Variants in PABPC4L observed in about 807,000 individuals in gnomAD.
PABPC4L encodes the protein poly(A) binding protein cytoplasmic 4 like, also known as polyadenylate-binding protein 4-like.
For synonymous variants in PABPC4L, 169 were observed against 164.1 expected (o/e 1.03, Z -0.23); for missense variants, 452 against 451.4 (o/e 1.00, Z -0.01).
At chr4:133,970,596 T>C in the PABPC4L span, among the ~76,000 whole-genome samples, 3 of 152,354 alleles carry the variant, frequency 2.0e-5, no homozygotes, top group East Asian at 1.9e-4. Context: ...TACACAGTTC[T>C]CTTTCAGTTG....
chr4:134,133,825 A>T, the PABPC4L span, among the ~76,000 whole-genome samples: 3 of 151,268 alleles, frequency 2.0e-5, no homozygotes, highest in Non-Finnish European at 4.4e-5. Flanking sequence ...TATTGAAATT[A>T]TTTTTTTTTA....
the PABPC4L span, among the ~76,000 whole-genome samples, chr4:134,112,047 T>C: frequency 1.3e-5 from 2 of 151,934 alleles, no homozygotes; most frequent in Non-Finnish European, 2.9e-5. Flanking sequence ...AAATTGTTAT[T>C]CTATATAAAA....
chr4:134,162,566 CTT>C, the PABPC4L span, among the ~76,000 whole-genome samples: 2 of 152,090 alleles, frequency 1.3e-5, no homozygotes, highest in Non-Finnish European at 2.9e-5. Flanking sequence ...AATGTACACT[CTT>C]CTCATCAGCA....
the PABPC4L span, among the ~76,000 whole-genome samples, chr4:134,145,430 A>G: frequency 6.6e-6 from 1 of 151,184 alleles, no homozygotes; most frequent in Non-Finnish European, 1.5e-5. Context: ...GAATGAAAAT[A>G]ACGATATTAA....
chr4:134,070,022 G>A, the PABPC4L span, among the ~76,000 whole-genome samples: 1 of 50,932 alleles, frequency 2.0e-5, no homozygotes, highest in African/African-American at 9.0e-5. Context: ...TATTTTCTTT[G>A]ATGCCCTTGG....
At chr4:134,068,715 CTT>C in the PABPC4L span, among the ~76,000 whole-genome samples, 1 of 144,604 alleles carries the variant, frequency 6.9e-6, no homozygotes. Context: ...TAAGATACAT[CTT>C]TTTTTTTTTT....
At chr4:134,143,195 TA>T in the PABPC4L span, among the ~76,000 whole-genome samples, 3 of 151,112 alleles carry the variant, frequency 2.0e-5, no homozygotes, top group African/African-American at 7.3e-5. Context: ...TACTATTATG[TA>T]AAAATTCTAT....
the PABPC4L span, among the ~76,000 whole-genome samples, chr4:134,113,532 T>C: frequency 2.0e-5 from 3 of 151,970 alleles, no homozygotes; most frequent in African/African-American, 7.2e-5. Context: ...TAGTAGGCTA[T>C]ACCATCTGGT....
chr4:134,192,753 T>C (rs1472047474), downstream of PABPC4L, among the ~76,000 whole-genome samples: 4 of 152,104 alleles, frequency 2.6e-5, no homozygotes, highest in African/African-American at 9.7e-5. Flanking sequence ...TGAGTAAAAG[T>C]ATGTGACACA....
chr4:133,971,518 TTCTAC>T, the PABPC4L span, among the ~76,000 whole-genome samples: 1 of 152,188 alleles, frequency 6.6e-6, no homozygotes, highest in East Asian at 1.9e-4. Context: ...GTCTAGCATC[TTCTAC>T]TCTGTCCTCC....
chr4:134,044,801 T>C, the PABPC4L span, among the ~76,000 whole-genome samples: 1 of 152,350 alleles, frequency 6.6e-6, no homozygotes, highest in Non-Finnish European at 1.5e-5. Flanking sequence ...ATGAATTTTA[T>C]ATTTAATGAT....
At chr4:134,004,300 A>T in the PABPC4L span, among the ~76,000 whole-genome samples, 1 of 151,954 alleles carries the variant, frequency 6.6e-6, no homozygotes, top group East Asian at 1.9e-4. Context: ...CAGGAAAAAA[A>T]ATACGTAATC....
chr4:134,007,791 A>T, the PABPC4L span, among the ~76,000 whole-genome samples: 2 of 151,756 alleles, frequency 1.3e-5, no homozygotes, highest in Non-Finnish European at 3.0e-5. Flanking sequence ...TTGAGTTTTC[A>T]AGTTAATAAA....
At chr4:133,967,831 A>C in the PABPC4L span, among the ~76,000 whole-genome samples, 1 of 152,214 alleles carries the variant, frequency 6.6e-6, no homozygotes. Context: ...AAGTGTAGGA[A>C]TGTGATGCCA....
chr4:134,157,018 T>C, the PABPC4L span, among the ~76,000 whole-genome samples: 1 of 151,802 alleles, frequency 6.6e-6, no homozygotes, highest in Non-Finnish European at 1.5e-5. Context: ...TTAATTCAAT[T>C]TTTTTTCTAA....
the PABPC4L span, among the ~76,000 whole-genome samples, chr4:134,018,257 C>T: frequency 1.1e-4 from 16 of 152,146 alleles, no homozygotes; most frequent in East Asian, 1.5e-3. Context: ...TCTTGTAAAA[C>T]GGTCCCACCC....
At chr4:134,093,243 C>G in the PABPC4L span, among the ~76,000 whole-genome samples, 74 of 149,874 alleles carry the variant, frequency 4.9e-4, 1 homozygote, top group South Asian at 0.013. Context: ...TTTAATTTAT[C>G]ATTTTGCTTT....
At chr4:134,019,652 T>C in the PABPC4L span, among the ~76,000 whole-genome samples, 2 of 152,134 alleles carry the variant, frequency 1.3e-5, no homozygotes, top group Non-Finnish European at 1.5e-5. Flanking sequence ...AAAATGCAAA[T>C]AGTTTATCAC....
chr4:134,128,102 C>T, the PABPC4L span, among the ~76,000 whole-genome samples: 17 of 151,722 alleles, frequency 1.1e-4, no homozygotes, highest in African/African-American at 3.4e-4. Context: ...CCCAATTTGA[C>T]GAAGACAAAG....
Sources: gnomAD v4.1 joint callset for allele counts (sites outside exome capture counted in the v4.1 genomes callset) on GRCh38, gnomAD v4.1.1 for gene constraint, MANE v1.5 for transcripts, NCBI Gene and HGNC (gene_info 2026-07-23, HGNC 2026-07-21) for gene names.